Variants in SYT1 observed in about 807,000 individuals in gnomAD.
The protein encoded by SYT1 is synaptotagmin 1.
A neutral mutation model predicts 44.8 loss-of-function variants in SYT1; 8 were observed. The observed-to-expected ratio is 0.18, with a 90% CI of 0.10 to 0.32. The LOEUF (loss-of-function observed/expected upper bound fraction) is 0.32. Among genes scored for constraint, SYT1 ranks in the 10% least tolerant of loss-of-function variants. The pLI is 1.00. For synonymous variants in SYT1, 154 were observed against 188.8 expected (o/e 0.82, Z 1.51); for missense variants, 286 against 509.3 (o/e 0.56, Z 4.22).
At chr12:79,370,295 A>G (rs943979200) in intron 9 of SYT1, among the ~76,000 whole-genome samples, 20 of 152,302 alleles carry the variant, frequency 1.3e-4, no homozygotes, top group African/African-American at 4.6e-4. Flanking sequence ...TAAGCTGCAA[A>G]ATACAGAATT....
At chr12:78,975,067 A>G (rs1226861456) in intron 1 of SYT1, among the ~76,000 whole-genome samples, 1 of 151,854 alleles carries the variant, frequency 6.6e-6, no homozygotes, top group East Asian at 1.9e-4. Flanking sequence ...GTCTTCACAC[A>G]TATATTGTTC....
intron 2 of SYT1, among the ~76,000 whole-genome samples, chr12:79,031,020 C>T (rs907389829): frequency 6.6e-6 from 1 of 150,924 alleles, no homozygotes; most frequent in African/African-American, 2.4e-5. Flanking sequence ...AGCTGCTGCT[C>T]ATTTATATAT....
intron 7 of SYT1, among the ~76,000 whole-genome samples, chr12:79,298,407 A>G (rs1879975978): frequency 2.0e-5 from 3 of 152,146 alleles, no homozygotes; most frequent in Non-Finnish European, 4.4e-5. Context: ...TCTTGTATGT[A>G]GATGGCCCAA....
intron 5 of SYT1, among the ~76,000 whole-genome samples, chr12:79,288,876 A>G (rs1342460151): frequency 6.6e-6 from 1 of 152,154 alleles, no homozygotes; most frequent in Non-Finnish European, 1.5e-5. Flanking sequence ...TCCCTAGTCA[A>G]CGCTCAGATA....
rs1315021542 is a variant in SYT1, at chr12:78,871,860, C to T, written c.-217+6751C>T. Among the ~76,000 whole-genome samples, 5 of 151,756 alleles carry T rather than the reference C, an allele frequency of 3.3e-5. No individual in the cohort carries two copies. In the South Asian group the frequency reaches 8.3e-4, roughly 25 times the overall value. ...GGCATTAGAGCATATTTCTAGAGCA[C>T]CGAGACCTCTTCTATAAATAGCATA... On this transcript the variant is annotated intron_variant, in intron 1 of 10. Transcript: ENST00000261205.
In SYT1 at chr12:79,303,390, GA is replaced by G. The variant is rs536638599; in HGVS notation, c.810+3848del. On this transcript the variant is annotated intron_variant, in intron 8 of 10. Transcript: ENST00000261205. ...ACAGCATAAGGAATAGATAGCACCA[GA>G]AAAAAAAACTAAGCCTTTTTTTTTA... Among the ~76,000 whole-genome samples, 95 of 150,100 alleles carry G rather than the reference GA, an allele frequency of 6.3e-4. 1 individual carries two copies. The South Asian group carries it at 0.014, about 22-fold the overall frequency.
At chr12:78,954,794 C>T (rs1016984395) in intron 1 of SYT1, among the ~76,000 whole-genome samples, 3 of 152,060 alleles carry the variant, frequency 2.0e-5, no homozygotes, top group Non-Finnish European at 4.4e-5. Context: ...GAGCCATTTG[C>T]TAAAATGTAC....
intron 9 of SYT1, among the ~76,000 whole-genome samples, chr12:79,386,015 T>G (rs1375088191): frequency 6.6e-6 from 1 of 152,192 alleles, no homozygotes; most frequent in Non-Finnish European, 1.5e-5. Context: ...CTGGTGAATA[T>G]CATTGCTGCA....
At chr12:79,012,985 A>C (rs751033493) in intron 2 of SYT1, among the ~76,000 whole-genome samples, 1 of 151,930 alleles carries the variant, frequency 6.6e-6, no homozygotes, top group Non-Finnish European at 1.5e-5. Context: ...CCTCCCATGC[A>C]GTCCCTTCTA....
chr12:79,010,467 C>T (rs960175002), intron 2 of SYT1, among the ~76,000 whole-genome samples: 4 of 152,076 alleles, frequency 2.6e-5, no homozygotes, highest in Non-Finnish European at 5.9e-5. Context: ...TTCCTACTGC[C>T]TCCCTTGATG....
chr12:78,870,459 C>T (rs1399843670), intron 1 of SYT1, among the ~76,000 whole-genome samples: 2 of 151,958 alleles, frequency 1.3e-5, no homozygotes, highest in Non-Finnish European at 2.9e-5. Context: ...TGTCTTATTT[C>T]CTGTGATAGA....
chr12:79,273,959 T>C (rs1415523131), intron 4 of SYT1, among the ~76,000 whole-genome samples: 2 of 152,082 alleles, frequency 1.3e-5, no homozygotes, highest in African/African-American at 4.8e-5. Context: ...TGGCACGCAC[T>C]GGTAGTCCCA....
intron 3 of SYT1, among the ~76,000 whole-genome samples, chr12:79,151,989 GA>G (rs1488603776): frequency 2.0e-5 from 3 of 152,098 alleles, no homozygotes; most frequent in Non-Finnish European, 2.9e-5. Flanking sequence ...GTGTATTCAG[GA>G]AGTTTCAAAG....
At chr12:79,026,667 T>TTACATATA (rs1555190338) in intron 2 of SYT1, among the ~76,000 whole-genome samples, 2 of 102,280 alleles carry the variant, frequency 2.0e-5, no homozygotes, top group Admixed American at 1.1e-4. Context: ...CATATATATT[T>TTACATATA]TATATATATA....
At chr12:79,137,635 T>G (rs756235945) in intron 3 of SYT1, among the ~76,000 whole-genome samples, 5 of 152,202 alleles carry the variant, frequency 3.3e-5, no homozygotes, top group African/African-American at 4.8e-5. Flanking sequence ...TTTGAAAATA[T>G]TAAAAATTAA....
intron 9 of SYT1, among the ~76,000 whole-genome samples, chr12:79,433,540 C>T (rs1274535684): frequency 1.3e-5 from 2 of 151,978 alleles, no homozygotes; most frequent in Non-Finnish European, 2.9e-5. Flanking sequence ...AAATAAGAGG[C>T]TTAACCTATA....
intron 8 of SYT1, among the ~76,000 whole-genome samples, chr12:79,326,625 C>T (rs1222027050): frequency 6.6e-6 from 1 of 152,204 alleles, no homozygotes; most frequent in Non-Finnish European, 1.5e-5. Context: ...AGACCATCTT[C>T]CTGCTAATCA....
chr12:78,985,539 A>T (rs1383789299), intron 2 of SYT1, among the ~76,000 whole-genome samples: 1 of 151,616 alleles, frequency 6.6e-6, no homozygotes, highest in African/African-American at 2.4e-5. Context: ...CTCTCTGGGG[A>T]CAGAATTGTC....
chr12:79,236,009 C>A (rs1171976382), intron 4 of SYT1, among the ~76,000 whole-genome samples: 2 of 152,280 alleles, frequency 1.3e-5, no homozygotes, highest in South Asian at 2.1e-4. Flanking sequence ...CACTTTTGGA[C>A]CCCCATTGTC....
Sources: gnomAD v4.1 joint callset for allele counts (sites outside exome capture counted in the v4.1 genomes callset) on GRCh38, gnomAD v4.1.1 for gene constraint, MANE v1.5 for transcripts, NCBI Gene and HGNC (gene_info 2026-07-23, HGNC 2026-07-21) for gene names.